CFAP299: variants seen among roughly 807,000 people sequenced by gnomAD.
CFAP299 encodes the protein cilia- and flagella-associated protein 299.
CFAP299 carries 21 observed loss-of-function variants against 27.0 expected under a neutral mutation model. That is an observed-to-expected ratio of 0.78 (90% CI 0.55 to 1.12). The LOEUF (loss-of-function observed/expected upper bound fraction) is 1.12, where lower values mean the gene tolerates loss of function less well. CFAP299 is among the 50% of genes most tolerant of loss of function. The probability of loss-of-function intolerance (pLI) is 0.00; values close to 1 mark genes in which losing one functional copy is unlikely to be tolerated. For synonymous variants in CFAP299, 104 were observed against 98.1 expected (o/e 1.06, Z -0.36); for missense variants, 310 against 276.6 (o/e 1.12, Z -0.86).
At chr4:80,475,935 C>T (rs534183814) in intron 2 of CFAP299, among the ~76,000 whole-genome samples, 36 of 152,250 alleles carry the variant, frequency 2.4e-4, no homozygotes, top group South Asian at 6.2e-4. Flanking sequence ...GAGAATGTGA[C>T]GACCCAGACG....
chr4:80,467,292 G>T (rs749170799), intron 2 of CFAP299, among the ~76,000 whole-genome samples: 3 of 152,196 alleles, frequency 2.0e-5, no homozygotes, highest in Non-Finnish European at 4.4e-5. Flanking sequence ...TGGGCCTATT[G>T]ATGGTGATTG....
At chr4:80,789,550 G>C (rs1428194984) in intron 3 of CFAP299, among the ~76,000 whole-genome samples, 2 of 152,040 alleles carry the variant, frequency 1.3e-5, no homozygotes, top group African/African-American at 4.8e-5. Flanking sequence ...GATTTATATA[G>C]ATAAGTGTTC....
intron 3 of CFAP299, among the ~76,000 whole-genome samples, chr4:80,698,434 T>C (rs1721250546): frequency 6.6e-6 from 1 of 152,216 alleles, no homozygotes; most frequent in African/African-American, 2.4e-5. Flanking sequence ...AATACTCTAT[T>C]TGAACTTATT....
intron 3 of CFAP299, among the ~76,000 whole-genome samples, chr4:80,615,939 G>T (rs989761326): frequency 2.0e-5 from 3 of 151,884 alleles, no homozygotes; most frequent in Admixed American, 1.3e-4. Flanking sequence ...TCTCACCTCC[G>T]TTCATTCCTT....
At chr4:80,955,727 C>T (rs989465222) in intron 5 of CFAP299, among the ~76,000 whole-genome samples, 3 of 152,166 alleles carry the variant, frequency 2.0e-5, no homozygotes, top group South Asian at 2.1e-4. Context: ...CTAGGCCAGG[C>T]GCGGTGGCTC....
At chr4:80,372,936 T>C (rs1448173956) in intron 2 of CFAP299, among the ~76,000 whole-genome samples, 4 of 152,230 alleles carry the variant, frequency 2.6e-5, no homozygotes, top group Admixed American at 6.5e-5. Context: ...CTACATAGTA[T>C]CTATCTGAAG....
chr4:80,924,538 G>GTGTGTGTA (rs5859742), intron 4 of CFAP299, among the ~76,000 whole-genome samples: 1,365 of 131,618 alleles, frequency 0.01, 13 homozygotes, highest in African/African-American at 0.021. Flanking sequence ...GTGTGTGTGT[G>GTGTGTGTA]TATATATATA....
At chr4:80,699,803 T>C (rs1038453755) in intron 3 of CFAP299, among the ~76,000 whole-genome samples, 4 of 152,132 alleles carry the variant, frequency 2.6e-5, no homozygotes, top group African/African-American at 9.7e-5. Context: ...TGCAACATTA[T>C]ATATGGTAAG....
At chr4:80,830,926 C>T (rs201276673) in intron 3 of CFAP299, among the ~76,000 whole-genome samples, 1 of 152,128 alleles carries the variant, frequency 6.6e-6, no homozygotes, top group Non-Finnish European at 1.5e-5. Flanking sequence ...TCATTAAGCA[C>T]TTTACATACA....
intron 3 of CFAP299, among the ~76,000 whole-genome samples, chr4:80,801,469 A>G (rs776212195): frequency 3.3e-5 from 5 of 152,124 alleles, no homozygotes; most frequent in African/African-American, 4.8e-5. Context: ...TGCATTGCCA[A>G]TCATTACTAG....
At chr4:80,400,624 C>T (rs184123352) in intron 2 of CFAP299, among the ~76,000 whole-genome samples, 9 of 152,204 alleles carry the variant, frequency 5.9e-5, no homozygotes, top group South Asian at 2.1e-4. Flanking sequence ...TGGAATTGTC[C>T]GTCCAATTAA....
chr4:80,821,674 C>G (rs1467996588), intron 3 of CFAP299, among the ~76,000 whole-genome samples: 1 of 152,110 alleles, frequency 6.6e-6, no homozygotes, highest in Non-Finnish European at 1.5e-5. Context: ...CTAAAAGTTC[C>G]TGCTGTACAG....
chr4:80,490,297 T>C (rs2132264), intron 2 of CFAP299, among the ~76,000 whole-genome samples: 12,230 of 152,288 alleles, frequency 0.08, 565 homozygotes, highest in Non-Finnish European at 0.094. Flanking sequence ...TTATGTGGAA[T>C]ACTTTGAAAA....
chr4:80,522,134 C>G (rs2110176022), intron 2 of CFAP299, among the ~76,000 whole-genome samples: 1 of 151,912 alleles, frequency 6.6e-6, no homozygotes, highest in East Asian at 1.9e-4. Flanking sequence ...ACACTTATTA[C>G]TTTCTGTTTT....
At chr4:80,856,569 T>G (rs977403233) in intron 3 of CFAP299, among the ~76,000 whole-genome samples, 1 of 151,910 alleles carries the variant, frequency 6.6e-6, no homozygotes, top group African/African-American at 2.4e-5. Context: ...CCATCTTGAA[T>G]TAATTTTTGT....
At chr4:80,646,283 A>G (rs149765898) in intron 3 of CFAP299, among the ~76,000 whole-genome samples, 111 of 152,322 alleles carry the variant, frequency 7.3e-4, no homozygotes, top group African/African-American at 2.5e-3. Context: ...AGGGGCAGGC[A>G]TGCTTTACCC....
intron 3 of CFAP299, among the ~76,000 whole-genome samples, chr4:80,814,781 G>A (rs1729339340): frequency 6.6e-6 from 1 of 150,872 alleles, no homozygotes; most frequent in Non-Finnish European, 1.5e-5. Context: ...AAAAATAAAA[G>A]CACAGTAAAG....
chr4:80,731,602 C>G (rs894187658), intron 3 of CFAP299, among the ~76,000 whole-genome samples: 1 of 152,166 alleles, frequency 6.6e-6, no homozygotes, highest in African/African-American at 2.4e-5. Flanking sequence ...CTGCTCACCT[C>G]TTCCCCTCTT....
intron 2 of CFAP299, among the ~76,000 whole-genome samples, chr4:80,402,460 G>C (rs1179516651): frequency 6.6e-6 from 1 of 152,162 alleles, no homozygotes; most frequent in South Asian, 2.1e-4. Context: ...AGGGATTTCC[G>C]CTTTTGCCTC....
Sources: gnomAD v4.1 joint callset for allele counts (sites outside exome capture counted in the v4.1 genomes callset) on GRCh38, gnomAD v4.1.1 for gene constraint, MANE v1.5 for transcripts, NCBI Gene and HGNC (gene_info 2026-07-23, HGNC 2026-07-21) for gene names.